The following SHANK2 variants were observed in gnomAD, a reference collection of about 807,000 sequenced individuals.
The protein encoded by SHANK2 is SH3 and multiple ankyrin repeat domains protein 2.
SHANK2 carries 43 observed loss-of-function variants against 133.7 expected under a neutral mutation model. That is an observed-to-expected ratio of 0.32 (90% confidence interval 0.25 to 0.41). The LOEUF (loss-of-function observed/expected upper bound fraction) is 0.41. Ranked by LOEUF, SHANK2 falls within the 10% of genes least tolerant of loss-of-function variation. The pLI, the probability that SHANK2 is intolerant of heterozygous loss-of-function variation, is 1.00. For synonymous variants in SHANK2, 1,017 were observed against 952.8 expected, an observed-to-expected ratio of 1.07 and a Z score of -1.24; for missense variants, 1,994 against 2,235.8, an observed-to-expected ratio of 0.89 and a Z score of 2.18.
intron 21 of SHANK2, among the ~76,000 whole-genome samples, chr11:70,499,400 G>C (rs2059017994): frequency 1.3e-5 from 2 of 152,234 alleles, no homozygotes; most frequent in Non-Finnish European, 2.9e-5. Flanking sequence ...GGGGAGGAGG[G>C]TGGTGTGGAT....
intron 15 of SHANK2, among the ~76,000 whole-genome samples, chr11:70,687,460 C>T (rs1945180376): frequency 1.3e-5 from 2 of 152,214 alleles, no homozygotes; most frequent in African/African-American, 2.4e-5. Context: ...CTCTTTCCAG[C>T]TTGCTCAGTG....
intron 10 of SHANK2, among the ~76,000 whole-genome samples, chr11:70,902,836 G>T (rs1382433899): frequency 6.6e-6 from 1 of 152,194 alleles, no homozygotes; most frequent in Non-Finnish European, 1.5e-5. Context: ...CCCGCCAGGG[G>T]CCCTGGGGGC....
At chr11:71,204,082 G>C (rs1286554571) in intron 2 of SHANK2, among the ~76,000 whole-genome samples, 1 of 152,228 alleles carries the variant, frequency 6.6e-6, no homozygotes, top group African/African-American at 2.4e-5. Flanking sequence ...TCCTTCTCAT[G>C]AATCAGTGAA....
rs782344648 is a variant in SHANK2 at position 70,469,522 on chromosome 11, C to CTT, written c.*3345_*3346dup. On this transcript the variant is annotated 3_prime_UTR_variant, in exon 26 of 26. Transcript: ENST00000601538. Reference sequence around the variant, plus strand: ...TGGGAGAAAGTGCAAATTACAGGAGCTTTTTTTTTTTTTTATAAAGTCTAA... The same window carrying CTT: ...TGGGAGAAAGTGCAAATTACAGGAGCTTTTTTTTTTTTTTTTATAAAGTCTAA... 0.012 allele frequency: 1,720 copies of CTT among 139,574 alleles called. 40 individuals are homozygous for CTT. Among genetic ancestry groups the CTT allele is most frequent in the African/African-American group, 0.042 (1,633 of 38,682 alleles). The allele number at this position is 139,574 out of a possible 1,614,324, so 8.6% of individuals were successfully genotyped here.
intron 15 of SHANK2, among the ~76,000 whole-genome samples, chr11:70,688,362 A>G (rs78667819): frequency 0.019 from 2,876 of 152,302 alleles, 39 homozygotes; most frequent in Non-Finnish European, 0.031. Flanking sequence ...TTGACGTCAT[A>G]AAACTGCAAG....
intron 17 of SHANK2, among the ~76,000 whole-genome samples, chr11:70,552,138 G>A (rs1554978260): frequency 6.6e-6 from 1 of 152,260 alleles, no homozygotes; most frequent in Non-Finnish European, 1.5e-5. Flanking sequence ...GGAGGAGGAG[G>A]CTTTGACCTC....
At chr11:71,059,191 T>C (rs1950958085) in intron 9 of SHANK2, among the ~76,000 whole-genome samples, 1 of 152,116 alleles carries the variant, frequency 6.6e-6, no homozygotes, top group African/African-American at 2.4e-5. Context: ...CACTCCAGCC[T>C]GGGCAACAAG....
chr11:70,592,303 C>T (rs2136276278), intron 17 of SHANK2, among the ~76,000 whole-genome samples: 1 of 152,260 alleles, frequency 6.6e-6, no homozygotes, highest in South Asian at 2.1e-4. Flanking sequence ...GGACTGGGTC[C>T]TGCCTGGGGA....
chr11:71,136,972 C>A (rs1952451251), intron 3 of SHANK2, among the ~76,000 whole-genome samples: 1 of 152,186 alleles, frequency 6.6e-6, no homozygotes, highest in South Asian at 2.1e-4. Context: ...AAGGGATTCT[C>A]CTGCCTCAGC....
At chr11:70,698,996 C>A (rs1053617985) in intron 14 of SHANK2, among the ~76,000 whole-genome samples, 74 of 152,256 alleles carry the variant, frequency 4.9e-4, no homozygotes, top group African/African-American at 1.7e-3. Context: ...GAGCACTACT[C>A]CCTAAGGGAG....
chr11:70,620,071 G>A (rs2136446654), intron 17 of SHANK2, among the ~76,000 whole-genome samples: 1 of 152,222 alleles, frequency 6.6e-6, no homozygotes, highest in South Asian at 2.1e-4. Context: ...TTCTCATAAG[G>A]ACACGGATCC....
intron 17 of SHANK2, among the ~76,000 whole-genome samples, chr11:70,641,240 C>T (rs529335688): frequency 3.2e-4 from 49 of 152,092 alleles, no homozygotes; most frequent in East Asian, 3.9e-4. Context: ...GGACTACAGG[C>T]GCATGCCACC....
At chr11:70,844,722 C>G (rs554434281) in intron 11 of SHANK2, among the ~76,000 whole-genome samples, 1 of 152,142 alleles carries the variant, frequency 6.6e-6, no homozygotes, top group East Asian at 1.9e-4. Context: ...AATAACACGG[C>G]GGAGAACATT....
At chr11:70,733,211 G>A (rs1555032697) in intron 14 of SHANK2, among the ~76,000 whole-genome samples, 1 of 152,158 alleles carries the variant, frequency 6.6e-6, no homozygotes. Flanking sequence ...TGCAGGATGA[G>A]TAGGAGTTGG....
chr11:70,492,309 C>T (rs782761003), intron 22 of SHANK2, 26 bp downstream of exon 22: 64 of 1,606,804 alleles, frequency 4.0e-5, no homozygotes, highest in Admixed American at 3.3e-4. Context: ...CCCCCGCCCT[C>T]GTGGTCCCAA....
rs564326062 is a variant in SHANK2, at chr11:70,629,576, T to C, written c.2061+30252A>G. Among the ~76,000 whole-genome samples, 801 of 152,042 alleles carry C rather than the reference T, an allele frequency of 5.3e-3. 9 individuals are homozygous for C. Among genetic ancestry groups the C allele is most frequent in the African/African-American group, 0.018 (760 of 41,452 alleles). On this transcript the variant is annotated intron_variant, in intron 17 of 25. Coordinates refer to ENST00000601538, the MANE Select transcript of SHANK2 (RefSeq NM_012309.5). ...GGCAGCGGGATGAGCTGGCAAACAC[T>C]GGGGACTCCAGCTCCCCTAAGGGCC...
chr11:70,772,814 G>A (rs186986910), intron 14 of SHANK2, among the ~76,000 whole-genome samples: 37 of 152,270 alleles, frequency 2.4e-4, no homozygotes, highest in Non-Finnish European at 4.0e-4. Context: ...TTGCCCTGTC[G>A]TTTCTTTTCA....
chr11:70,840,101 A>G lies in SHANK2; in HGVS notation c.1175-19419T>C, dbSNP rs531682762. The stretch of plus-strand genomic sequence containing the variant: ...GACTCCCCACATGGTGACGGCGTAC[A>G]GTCTGGGAAGAACAGTGTGAGGGGC... On this transcript the variant is annotated intron_variant, in intron 11 of 25. Transcript: ENST00000601538. Among the ~76,000 whole-genome samples, 41 of 152,336 alleles carry G rather than the reference A, an allele frequency of 2.7e-4. No individual in the cohort carries two copies. The East Asian group carries it at 7.7e-3, about 29-fold the overall frequency.
intron 3 of SHANK2, among the ~76,000 whole-genome samples, chr11:71,140,252 C>T (rs1193863525): frequency 1.3e-5 from 2 of 152,238 alleles, no homozygotes; most frequent in Non-Finnish European, 2.9e-5. Flanking sequence ...CAGAAACAAC[C>T]AGGCTCCCAC....
Sources: allele counts gnomAD v4.1 joint callset (sites outside exome capture counted in the v4.1 genomes callset), GRCh38; gene constraint gnomAD v4.1.1; transcripts MANE v1.5; gene names NCBI Gene and HGNC (gene_info 2026-07-23, HGNC 2026-07-21).